The following BTN2A2 variants were observed in gnomAD, a reference collection of about 807,000 sequenced individuals.
The protein encoded by BTN2A2 is butyrophilin subfamily 2 member A2.
Under a neutral mutation model 34.7 loss-of-function variants are expected in BTN2A2, and 29 were observed. The ratio of observed to expected loss-of-function variants is 0.84; its 90% CI spans 0.62 to 1.14. The LOEUF (loss-of-function observed/expected upper bound fraction) is 1.14, where lower values mean the gene tolerates loss of function less well. Ranked by LOEUF, BTN2A2 falls within the 50% of genes most tolerant of loss-of-function variation. BTN2A2 has a pLI of 0.00. For missense variants in BTN2A2, 612 were observed against 651.5 expected (o/e 0.94, Z 0.66); for synonymous variants, 240 against 253.1 (o/e 0.95, Z 0.49).
rs1195775274 is a variant in BTN2A2 at position 26,394,725 on chromosome 6, G to C, written c.*1758G>C. ...GATTTCTTAGCCTCCATAATCACAT[G>C]AGCCAATCTCCTTAATAAATGCCTG... On this transcript the variant is annotated 3_prime_UTR_variant, in exon 8 of 8. Transcript: ENST00000356709. The C allele has an allele frequency of 5.2e-6, 1 of 190,950 alleles. No homozygotes were observed. Among genetic ancestry groups the C allele is most frequent in the Non-Finnish European group, 1.1e-5 (1 of 93,992 alleles). 11.8% of individuals were successfully genotyped at this position (190,950 alleles called of 1,614,324 possible). A position where few individuals can be genotyped will look rare whatever the true frequency, so the allele number is the denominator to read the frequency against.
chr6:26,391,031 GT>G, intron 7 of BTN2A2: 1 of 704,940 alleles, frequency 1.4e-6, no homozygotes, highest in Non-Finnish European at 2.4e-6. Flanking sequence ...GAACCCTGCA[GT>G]TTACATCCCC....
At chr6:26,387,177 A>G (rs9467746) in intron 3 of BTN2A2, among the ~76,000 whole-genome samples, 45,584 of 152,036 alleles carry the variant, frequency 0.3, 9,510 homozygotes, top group African/African-American at 0.6. Flanking sequence ...TTGAGGAGGC[A>G]ATATGGTTAT....
chr6:26,391,473 T>A (rs991278958), intron 7 of BTN2A2: 1 of 154,198 alleles, frequency 6.5e-6, no homozygotes, highest in Non-Finnish European at 1.4e-5. Context: ...ATCCAAACTT[T>A]ACCAGATACC....
chr6:26,393,300 A>G lies in BTN2A2; in HGVS notation c.*333A>G. 1 of 1,296,388 alleles carries G rather than the reference A, an allele frequency of 7.7e-7. No homozygotes were observed. The highest frequency in any genetic ancestry group is 9.9e-7 in the Non-Finnish European group (1 of 1,008,922). 80.3% of individuals were successfully genotyped at this position (1,296,388 alleles called of 1,614,324 possible). On this transcript the variant is annotated 3_prime_UTR_variant, in exon 8 of 8. Transcript: ENST00000356709. ...AATCAGGATAACCACATTAAGCCCA[A>G]TATGCCAGTTGGCACCAGATGCTGT...
chr6:26,390,937 AG>A, intron 7 of BTN2A2, 108 bp downstream of exon 7: 2 of 1,554,180 alleles, frequency 1.3e-6, no homozygotes, highest in Non-Finnish European at 1.8e-6. Flanking sequence ...CAGGGACCAT[AG>A]GGAACTGGGG....
chr6:26,390,401 A>G (rs1378020474), intron 5 of BTN2A2, 190 bp downstream of exon 5: 1 of 694,784 alleles, frequency 1.4e-6, no homozygotes, highest in African/African-American at 1.8e-5. Context: ...AGAAGTAATC[A>G]TTCAGAGCTT....
chr6:26,392,000 G>T, intron 7 of BTN2A2: 1 of 585,220 alleles, frequency 1.7e-6, no homozygotes, highest in South Asian at 2.1e-5. Context: ...TTCTGTGATG[G>T]TTTAAGCCAA....
At position 26,392,442 on chromosome 6, in the gene BTN2A2, G is replaced by C; in HGVS notation, c.1047G>C (p.Val349=). The change falls in exon 8 of 8, where the codon GTG becomes GTC. Residue 349 remains valine (V), a synonymous_variant. Coordinates refer to ENST00000356709, the MANE Select transcript of BTN2A2 (RefSeq NM_006995.5). The part of the protein sequence containing the change: ...ELFLSEDRRS[V]RRGPYRQRVP... ...TCCTGTCAGAGGACCGGAGAAGTGTGAGGCGGGGCCCCTACAGGCAGAGAG... is the reference window on the plus strand; with the variant it reads ...TCCTGTCAGAGGACCGGAGAAGTGTCAGGCGGGGCCCCTACAGGCAGAGAG... The C allele has an allele frequency of 6.2e-7, 1 of 1,614,246 alleles. No homozygotes were observed. The highest frequency in any genetic ancestry group is 1.1e-5 in the South Asian group (1 of 91,086).
chr6:26,387,925 C>T, intron 3 of BTN2A2, 88 bp from the exon 4 acceptor site: 2 of 1,405,986 alleles, frequency 1.4e-6, no homozygotes, highest in East Asian at 2.3e-5. Context: ...TCTCCAAAAC[C>T]AAGGGTCTTT....
chr6:26,392,162 A>C, intron 7 of BTN2A2: 1 of 1,462,492 alleles, frequency 6.8e-7, no homozygotes, highest in South Asian at 1.2e-5. Flanking sequence ...AATTCTTCTC[A>C]ACCTGGGGGC....
chr6:26,388,173 T>A lies in BTN2A2; in HGVS notation c.603T>A (p.Ala201=). 6.2e-7 allele frequency: 1 copy of A among 1,614,224 alleles called. No individual in the cohort carries two copies. The highest frequency in any genetic ancestry group is 1.1e-5 in the South Asian group (1 of 91,084). Residue 201 remains alanine (A), a synonymous_variant, in exon 4 of 8, where the codon GCT becomes GCA. Transcript: ENST00000356709. ...PALKEVSIAD[A]DGLFMVTTAV... is the part of the protein sequence containing the mutation. ...TGAAGGAGGTTTCCATCGCTGATGCTGACGGCCTCTTCATGGTCACCACAG... is the reference window on the plus strand; with the variant it reads ...TGAAGGAGGTTTCCATCGCTGATGCAGACGGCCTCTTCATGGTCACCACAG...
At position 26,393,530 on chromosome 6, in the gene BTN2A2, C is replaced by T. The variant is rs1561837147; in HGVS notation, c.*563C>T. Reference sequence around the variant, plus strand: ...CCTGGGAGATGATGGCTCATTTCCACCCAACCCCAGGATTTCCACAGCACA... The same window carrying T: ...CCTGGGAGATGATGGCTCATTTCCATCCAACCCCAGGATTTCCACAGCACA... On this transcript the variant is annotated 3_prime_UTR_variant, in exon 8 of 8. Coordinates refer to ENST00000356709, the MANE Select transcript of BTN2A2 (RefSeq NM_006995.5). The T allele has an allele frequency of 3.0e-6, 3 of 1,015,058 alleles. No homozygotes were observed. The highest frequency in any genetic ancestry group is 3.5e-6 in the Non-Finnish European group (3 of 848,204). 62.9% of individuals were successfully genotyped at this position (1,015,058 alleles called of 1,614,324 possible). A position where few individuals can be genotyped will look rare whatever the true frequency, so the allele number is the denominator to read the frequency against.
chr6:26,393,067 GTC>G lies in BTN2A2; in HGVS notation c.*101_*102del. ...GAAAGACACGCCCTCCTCCCCTCTGGTCACGTAAGAGAACATCTTCCAGCTGC... is the reference window on the plus strand; with the variant it reads ...GAAAGACACGCCCTCCTCCCCTCTGGACGTAAGAGAACATCTTCCAGCTGC... On this transcript the variant is annotated 3_prime_UTR_variant, in exon 8 of 8. Coordinates refer to ENST00000356709, the MANE Select transcript of BTN2A2 (RefSeq NM_006995.5). The G allele has an allele frequency of 6.2e-7, 1 of 1,611,452 alleles. No individual in the cohort carries two copies.
rs1761333379 is a variant in BTN2A2 at position 26,388,198 on chromosome 6, G to A, written c.628G>A (p.Ala210Thr). 1 of 1,614,214 alleles carries A rather than the reference G, an allele frequency of 6.2e-7. No homozygotes were observed. The highest frequency in any genetic ancestry group is 1.3e-5 in the African/African-American group (1 of 75,060). ...DADGLFMVTT[A>T]VIIRDKYVRN... is the part of the protein sequence containing the mutation. Reference sequence around the variant, plus strand: ...TGACGGCCTCTTCATGGTCACCACAGCTGTGATCATCAGAGACAAGTATGT... The same window carrying A: ...TGACGGCCTCTTCATGGTCACCACAACTGTGATCATCAGAGACAAGTATGT... Residue 210 changes from alanine to threonine, a missense_variant, in exon 4 of 8, where the codon GCT becomes ACT. Transcript: ENST00000356709.
At chr6:26,386,444 C>A (rs1761208155) in intron 3 of BTN2A2, among the ~76,000 whole-genome samples, 1 of 152,228 alleles carries the variant, frequency 6.6e-6, no homozygotes, top group Admixed American at 6.5e-5. Context: ...AAATTGGGTT[C>A]TTCCCAGGGG....
In BTN2A2 at chr6:26,392,067, G is replaced by A; in HGVS notation, c.980-308G>A. On this transcript the variant is annotated intron_variant, in intron 7 of 7. Coordinates refer to ENST00000356709, the MANE Select transcript of BTN2A2 (RefSeq NM_006995.5). ...GAGATCATATATCTTGAATAGAAAA[G>A]GGATCAGATCTTAGAATGCTGAGAA... is the stretch of plus-strand genomic sequence containing the variant. The A allele has an allele frequency of 4.3e-6, 3 of 702,182 alleles. No homozygotes were observed. In the South Asian group the frequency reaches 5.8e-5, roughly 13 times the overall value. 43.5% of individuals were successfully genotyped at this position (702,182 alleles called of 1,614,324 possible). A position where few individuals can be genotyped will look rare whatever the true frequency, so the allele number is the denominator to read the frequency against.
chr6:26,391,130 G>T, intron 7 of BTN2A2: 1 of 546,590 alleles, frequency 1.8e-6, no homozygotes, highest in Non-Finnish European at 3.3e-6. Flanking sequence ...CATTTCAGAA[G>T]TCATTGCTCT....
At chr6:26,390,753 T>G (rs758886447) in intron 6 of BTN2A2, 46 bp downstream of exon 6, 22 of 1,614,178 alleles carry the variant, frequency 1.4e-5, no homozygotes, top group Admixed American at 1.7e-5. Context: ...ATTTGTGTTC[T>G]GCTTACTTAG....
chr6:26,385,098 G>A lies in BTN2A2; in HGVS notation c.178G>A (p.Glu60Lys), dbSNP rs181037825. 4.6e-5 allele frequency: 74 copies of A among 1,613,982 alleles called. No homozygotes were observed. Among genetic ancestry groups the A allele is most frequent in the African/African-American group, 2.5e-4 (19 of 74,990 alleles). ...NTTLRCHLSP[E>K]KNAEDMEVRW... ...TACATTACGCTGCCATCTGTCACCC[G>A]AGAAAAATGCTGAGGACATGGAGGT... The change falls in exon 3 of 8, where the codon GAG (glutamate) becomes AAG (lysine). Residue 60 changes from glutamate (E) to lysine (K), a missense_variant. Glu to Lys is a moderately conservative substitution (Grantham distance 56). Coordinates refer to ENST00000356709, the MANE Select transcript of BTN2A2 (RefSeq NM_006995.5).
Sources: allele counts gnomAD v4.1 joint callset (sites outside exome capture counted in the v4.1 genomes callset), GRCh38; gene constraint gnomAD v4.1.1; transcripts MANE v1.5; gene names NCBI Gene and HGNC (gene_info 2026-07-23, HGNC 2026-07-21).